Variants in PPP6R2 observed in about 807,000 individuals in gnomAD.
PPP6R2 encodes protein phosphatase 6 regulatory subunit 2.
A neutral mutation model predicts 100.2 loss-of-function variants in PPP6R2; 62 were observed. That is an observed-to-expected ratio of 0.62 (90% CI 0.50 to 0.76). The LOEUF (loss-of-function observed/expected upper bound fraction) is 0.76, where lower values mean the gene tolerates loss of function less well. PPP6R2 is among the 30% of genes least tolerant of loss of function. The pLI, the probability that PPP6R2 is intolerant of heterozygous loss-of-function variation, is 0.00. For synonymous variants in PPP6R2, 525 were observed against 514.7 expected (o/e 1.02, Z -0.27); for missense variants, 1,142 against 1,276.3 (o/e 0.89, Z 1.60).
rs1038159018 is a variant in PPP6R2 at position 50,398,999 on chromosome 22, G to C, written c.227+4864G>C. ...GTGGTGGCTCACGCCTGTAATCCTA[G>C]CACTTTGGGAGGCTGAGGCGGGCGG... On this transcript the variant is annotated intron_variant, in intron 3 of 23. Transcript: ENST00000612753. 5.3e-5 allele frequency among the ~76,000 whole-genome samples: 8 copies of C among 152,314 alleles called. No individual in the cohort carries two copies. The East Asian group carries it at 1.5e-3, about 29-fold the overall frequency.
At position 50,404,930 on chromosome 22, in the gene PPP6R2, C is replaced by T. The variant is rs566921404; in HGVS notation, c.228-1759C>T. 5.9e-5 allele frequency among the ~76,000 whole-genome samples: 9 copies of T among 152,282 alleles called. No homozygotes were observed. In the South Asian group the frequency reaches 1.7e-3, roughly 28 times the overall value. ...CTATGGGGGCTGCTGTTGAGGGCTG[C>T]GTCCTGGGCTGTGGGGTGTACCTCT... On this transcript the variant is annotated intron_variant, in intron 3 of 23. Transcript: ENST00000612753.
the PPP6R2 span, among the ~76,000 whole-genome samples, chr22:50,333,595 G>C: frequency 2.6e-5 from 4 of 152,168 alleles, no homozygotes; most frequent in Non-Finnish European, 5.9e-5. Context: ...GCCTCCCAAA[G>C]TGCTGGGATT....
At chr22:50,396,404 A>G (rs1427053522) in intron 3 of PPP6R2, among the ~76,000 whole-genome samples, 2 of 151,208 alleles carry the variant, frequency 1.3e-5, no homozygotes, top group Non-Finnish European at 2.9e-5. Context: ...CTGAGGCAGG[A>G]GAATTGCTTG....
intron 2 of PPP6R2, among the ~76,000 whole-genome samples, chr22:50,380,626 T>C: frequency 6.6e-6 from 1 of 151,242 alleles, no homozygotes; most frequent in Non-Finnish European, 1.5e-5. Flanking sequence ...CCCAAAGTGC[T>C]GGGATTACAG....
At position 50,441,011 on chromosome 22, in the gene PPP6R2, A is replaced by T. The variant is rs768763970; in HGVS notation, c.2564A>T (p.Glu855Val). Residue 855 changes from glutamate (E) to valine (V), a missense_variant, in exon 22 of 24, where the codon GAG (glutamate) becomes GTG (valine). Physicochemically the swap from Glu to Val is moderately radical, Grantham distance 121 (BLOSUM62 -2). Transcript: ENST00000612753. ...CCGCTGCCCACAGTGGCCAGGACAGAGGAGGCTGTCGGCAGGTGTGTGGGG... is the reference window on the plus strand; with the variant it reads ...CCGCTGCCCACAGTGGCCAGGACAGTGGAGGCTGTCGGCAGGTGTGTGGGG... ...APPLPTVART[E>V]EAVGRVGCAD... is the part of the protein sequence containing the mutation. 4.4e-6 allele frequency: 7 copies of T among 1,594,312 alleles called. No individual in the cohort carries two copies. Among genetic ancestry groups the T allele is most frequent in the Non-Finnish European group, 4.3e-6 (5 of 1,167,228 alleles).
intron 8 of PPP6R2, among the ~76,000 whole-genome samples, chr22:50,421,548 T>G (rs980906496): frequency 6.6e-6 from 1 of 152,136 alleles, no homozygotes; most frequent in African/African-American, 2.4e-5. Flanking sequence ...CTTTAAAAAA[T>G]ATATGATTAC....
intron 22 of PPP6R2, among the ~76,000 whole-genome samples, chr22:50,442,428 G>A (rs574208483): frequency 1.3e-5 from 2 of 152,242 alleles, no homozygotes; most frequent in Non-Finnish European, 1.5e-5. Flanking sequence ...CACGGGAAAC[G>A]GGGCCAAGGC....
chr22:50,362,433 G>A (rs2047974072), intron 1 of PPP6R2, among the ~76,000 whole-genome samples: 1 of 152,174 alleles, frequency 6.6e-6, no homozygotes, highest in African/African-American at 2.4e-5. Context: ...TTGGGAGCTT[G>A]AAGACCTTGG....
At chr22:50,363,645 C>T (rs60266930) in intron 1 of PPP6R2, among the ~76,000 whole-genome samples, 2,097 of 152,312 alleles carry the variant, frequency 0.014, 20 homozygotes, top group East Asian at 0.031. Context: ...AGCTGCTGCT[C>T]ATGAGCCTTT....
chr22:50,378,070 A>G (rs2052009877), intron 2 of PPP6R2, among the ~76,000 whole-genome samples: 1 of 152,202 alleles, frequency 6.6e-6, no homozygotes, highest in Non-Finnish European at 1.5e-5. Context: ...AATAAAATTT[A>G]TAGCTAGCCA....
At chr22:50,337,770 TGGTGTGTGTGTG>T in the PPP6R2 span, among the ~76,000 whole-genome samples, 5 of 139,314 alleles carry the variant, frequency 3.6e-5, no homozygotes, top group Admixed American at 2.2e-4. Flanking sequence ...ACGATGTGTA[TGGTGTGTGTGTG>T]GGTGTGTGTG....
intron 1 of PPP6R2, among the ~76,000 whole-genome samples, chr22:50,356,305 CTTTT>C (rs542422707): frequency 7.4e-6 from 1 of 135,274 alleles, no homozygotes; most frequent in African/African-American, 2.7e-5. Context: ...TCTATTTTTC[CTTTT>C]TTTTTTTTTT....
intron 14 of PPP6R2, 145 bp downstream of exon 14, chr22:50,436,597 C>A: frequency 1.3e-6 from 1 of 786,604 alleles, no homozygotes; most frequent in South Asian, 1.7e-5. Context: ...GGTGCCCCTG[C>A]ATAGTGTGTC....
intron 1 of PPP6R2, among the ~76,000 whole-genome samples, chr22:50,352,859 G>A (rs1375862521): frequency 1.3e-5 from 2 of 152,116 alleles, no homozygotes; most frequent in Admixed American, 6.6e-5. Flanking sequence ...TTGAGCTCGG[G>A]AGTTTGAGAC....
intron 3 of PPP6R2, among the ~76,000 whole-genome samples, chr22:50,395,134 T>G (rs937866059): frequency 1.3e-5 from 2 of 152,136 alleles, no homozygotes; most frequent in East Asian, 1.9e-4. Flanking sequence ...GCAGGAGAGA[T>G]ATGCAGTATC....
intron 1 of PPP6R2, among the ~76,000 whole-genome samples, chr22:50,348,738 G>A (rs537396892): frequency 4.6e-5 from 7 of 152,222 alleles, no homozygotes; most frequent in African/African-American, 1.7e-4. Flanking sequence ...GTCATCATGG[G>A]GGCAAGGTAT....
intron 2 of PPP6R2, chr22:50,393,558 A>G (rs2056102504): frequency 2.2e-5 from 22 of 982,138 alleles, no homozygotes; most frequent in Non-Finnish European, 2.7e-5. Context: ...AAGGAGGGCA[A>G]AGGAGGGGGT....
rs1451792989 is a variant in PPP6R2, at chr22:50,431,939, A to G, written c.1336-326A>G. On this transcript the variant is annotated intron_variant, in intron 11 of 23. Coordinates refer to ENST00000612753, the MANE Select transcript of PPP6R2 (RefSeq NM_001242898.2). The surrounding 1 kb of genome is among the most constrained non-coding windows in gnomAD (Gnocchi z 4.8). ...AGAGAAAGAGGGCAGGAGAGTGGCC[A>G]AAGTGGAGGGCAATGGAGAGACGGG... Among the ~76,000 whole-genome samples the G allele has an allele frequency of 6.6e-6, 1 of 152,134 alleles. No homozygotes were observed. The highest frequency in any genetic ancestry group is 1.5e-5 in the Non-Finnish European group (1 of 68,020).
chr22:50,362,689 C>G (rs181237645), intron 1 of PPP6R2, among the ~76,000 whole-genome samples: 1 of 152,090 alleles, frequency 6.6e-6, no homozygotes, highest in Non-Finnish European at 1.5e-5. Flanking sequence ...CGTGAGGTCA[C>G]CAGGTGGGGC....
Sources: allele counts gnomAD v4.1 joint callset (sites outside exome capture counted in the v4.1 genomes callset), GRCh38; gene constraint gnomAD v4.1.1; non-coding constraint Gnocchi (gnomAD v3.1); transcripts MANE v1.5; gene names NCBI Gene and HGNC (gene_info 2026-07-23, HGNC 2026-07-21).